Variants in FLG2 observed in about 807,000 individuals in gnomAD.
FLG2 encodes filaggrin 2.
In FLG2, 7 loss-of-function variants were observed where a neutral mutation model predicts 3.9. The observed-to-expected ratio is 1.79, with a 90% CI of 1.02 to 3.36. The LOEUF (loss-of-function observed/expected upper bound fraction) is 3.36. Among genes scored for constraint, FLG2 ranks in the 30% most tolerant of loss-of-function variants. The pLI is 0.00. For missense variants in FLG2, 2,700 were observed against 2,809.4 expected, an observed-to-expected ratio of 0.96 and a Z score of 0.88; for synonymous variants, 1,031 against 1,056.1, an observed-to-expected ratio of 0.98 and a Z score of 0.46.
Position 152,352,167 on chromosome 1 carries a change from A to G in FLG2, c.5619T>C (p.Thr1873=), listed in dbSNP as rs1310190034. ...CACTGTGGCCAGATCTCCTTCTTCCAGTTGTACTGGATCCTGACTGTGTGG... is the reference window on the plus strand; with the variant it reads ...CACTGTGGCCAGATCTCCTTCTTCCGGTTGTACTGGATCCTGACTGTGTGG... ...GQSTQSGSST[T]GRRRSGHSES... Residue 1873 remains threonine, a synonymous_variant, in exon 3 of 3, where the codon ACT becomes ACC. Transcript: ENST00000388718. 1.3e-5 allele frequency: 21 copies of G among 1,613,236 alleles called. No homozygotes were observed. Among genetic ancestry groups the G allele is most frequent in the Non-Finnish European group, 1.6e-5 (19 of 1,179,838 alleles).
At position 152,354,702 on chromosome 1, in the gene FLG2, G is replaced by C; in HGVS notation, c.3084C>G (p.His1028Gln). The C allele has an allele frequency of 6.2e-7, 1 of 1,613,594 alleles. No homozygotes were observed. The highest frequency in any genetic ancestry group is 8.5e-7 in the Non-Finnish European group (1 of 1,179,942). Reference sequence around the variant, plus strand: ...CTGAGTATTGGCCTGAGCTTGACCTGTGTTGTCCAAAGCCAGTTGTCTGTC... The same window carrying C: ...CTGAGTATTGGCCTGAGCTTGACCTCTGTTGTCCAAAGCCAGTTGTCTGTC... ...SSGQTTGFGQ[H>Q]RSSSGQYSGF... The change falls in exon 3 of 3, where the codon CAC becomes CAG. Residue 1028 changes from histidine (H) to glutamine (Q), a missense_variant. Physicochemically the swap from His to Gln is conservative, Grantham distance 24. Transcript: ENST00000388718.
intron 1 of FLG2, 137 bp from the exon 2 acceptor site, chr1:152,359,043 GA>G: frequency 2.8e-6 from 2 of 726,334 alleles, no homozygotes; most frequent in Non-Finnish European, 4.4e-6. Context: ...GGCCAGGGAT[GA>G]TACAACCCCG....
At position 152,356,131 on chromosome 1, in the gene FLG2, T is replaced by A. The variant is rs1654219800; in HGVS notation, c.1655A>T (p.Gln552Leu). 2 of 1,613,820 alleles carry A rather than the reference T, an allele frequency of 1.2e-6. No individual in the cohort carries two copies. The highest frequency in any genetic ancestry group is 2.7e-5 in the African/African-American group (2 of 74,842). ...SYGQHGSGSS[Q>L]SSGYGQYGSR... ...CCCATATTGGCCATAGCCAGATGAT[T>A]GACTTGAGCCAGAACCATGTTGGCC... The change falls in exon 3 of 3, where the codon CAA becomes CTA. Residue 552 changes from glutamine to leucine, a missense_variant. Gln to Leu is a moderately radical substitution (Grantham distance 113). Coordinates refer to ENST00000388718, the MANE Select transcript of FLG2 (RefSeq NM_001014342.3).
At position 152,356,794 on chromosome 1, in the gene FLG2, G is replaced by A. The variant is rs1343765274; in HGVS notation, c.992C>T (p.Ser331Leu). Residue 331 changes from serine to leucine, a missense_variant, in exon 3 of 3, where the codon TCA becomes TTA. Ser to Leu is a moderately radical substitution (Grantham distance 145). Transcript: ENST00000388718. The part of the protein sequence containing the change: ...IKGGQGHGCV[S>L]GGQPSGCGQP... Reference sequence around the variant, plus strand: ...ACCACATCCAGAGGGCTGACCTCCTGAGACACAGCCATGGCCTTGTCCTCC... The same window carrying A: ...ACCACATCCAGAGGGCTGACCTCCTAAGACACAGCCATGGCCTTGTCCTCC... 5 of 1,614,090 alleles carry A rather than the reference G, an allele frequency of 3.1e-6. No homozygotes were observed. The highest frequency in any genetic ancestry group is 1.3e-5 in the African/African-American group (1 of 74,908).
chr1:152,358,668 A>G lies in FLG2; in HGVS notation c.138+79T>C, dbSNP rs1434027772. 4.2e-5 allele frequency: 61 copies of G among 1,440,432 alleles called. 1 individual carries two copies. The South Asian group carries it at 4.8e-4, about 11-fold the overall frequency. The allele number at this position is 1,440,432 out of a possible 1,614,324, so 89.2% of individuals were successfully genotyped here. On this transcript the variant is annotated intron_variant, in intron 2 of 2. Transcript: ENST00000388718. The stretch of plus-strand genomic sequence containing the variant: ...TGCTTAGAGTTCACTGGGGCTGTGC[A>G]CTTTTTAGCTGATCTGGGTCATACA...
intron 2 of FLG2, among the ~76,000 whole-genome samples, chr1:152,358,391 CAACTCCCT>C (rs1248934855): frequency 1.3e-5 from 2 of 152,048 alleles, no homozygotes; most frequent in Non-Finnish European, 2.9e-5. Context: ...GCTATTTTGT[CAACTCCCT>C]ATGTAGATGA....
chr1:152,350,294 T>C lies in FLG2; in HGVS notation c.*316A>G. On this transcript the variant is annotated 3_prime_UTR_variant, in exon 3 of 3. Transcript: ENST00000388718. Reference sequence around the variant, plus strand: ...TGGGATTCCTGTTTTCTGATTGAACTAGATTTTGAATGGCCATGAACTGAT... The same window carrying C: ...TGGGATTCCTGTTTTCTGATTGAACCAGATTTTGAATGGCCATGAACTGAT... The C allele has an allele frequency of 3.1e-6, 1 of 326,070 alleles. No homozygotes were observed. The highest frequency in any genetic ancestry group is 5.6e-6 in the Non-Finnish European group (1 of 179,130). The allele number at this position is 326,070 out of a possible 1,614,324, so 20.2% of individuals were successfully genotyped here.
rs757083866 is a variant in FLG2 at position 152,353,098 on chromosome 1, T to C, written c.4688A>G (p.Gln1563Arg). Residue 1563 changes from glutamine to arginine, a missense_variant, in exon 3 of 3, where the codon CAG becomes CGG. Coordinates refer to ENST00000388718, the MANE Select transcript of FLG2 (RefSeq NM_001014342.3). ...TCTTCCAGTTGTCCTGGACCCTGTC[T>C]GTGTGGTTTGTTCATGACCAGAGTA... ...HSYSGHEQTT[Q>R]TGSRTTGRQR... 2 of 1,613,602 alleles carry C rather than the reference T, an allele frequency of 1.2e-6. No homozygotes were observed. Among genetic ancestry groups the C allele is most frequent in the Non-Finnish European group, 1.7e-6 (2 of 1,179,918 alleles).
Position 152,351,787 on chromosome 1 carries a change from T to G in FLG2, c.5999A>C (p.Gln2000Pro), listed in dbSNP as rs766645216. 10 of 1,613,040 alleles carry G rather than the reference T, an allele frequency of 6.2e-6. No individual in the cohort carries two copies. The highest frequency in any genetic ancestry group is 7.6e-6 in the Non-Finnish European group (9 of 1,179,924). Residue 2000 changes from glutamine to proline, a missense_variant, in exon 3 of 3, where the codon CAA becomes CCA. Gln to Pro is a moderately conservative substitution (Grantham distance 76). Transcript: ENST00000388718. ...VHERHGTTHG[Q>P]TADTTRHGHS... Reference sequence around the variant, plus strand: ...GCCATGTCTAGTGGTATCTGCTGTTTGTCCATGAGTAGTTCCGTGTCTCTC... The same window carrying G: ...GCCATGTCTAGTGGTATCTGCTGTTGGTCCATGAGTAGTTCCGTGTCTCTC...
Position 152,352,945 on chromosome 1 carries a change from T to A in FLG2, c.4841A>T (p.His1614Leu). Residue 1614 changes from histidine to leucine, a missense_variant, in exon 3 of 3, where the codon CAT becomes CTT. Coordinates refer to ENST00000388718, the MANE Select transcript of FLG2 (RefSeq NM_001014342.3). The stretch of plus-strand genomic sequence containing the variant: ...TCCATGAGTAGTTCCGTGTCTCTCA[T>A]GAACTGTGAATTCTGGCTCTTCATG... Reference protein sequence around the residue: ...SQHEEPEFTVHERHGTTHGQI... With the variant: ...SQHEEPEFTVLERHGTTHGQI... 1 of 1,613,740 alleles carries A rather than the reference T, an allele frequency of 6.2e-7. No homozygotes were observed. The highest frequency in any genetic ancestry group is 1.1e-5 in the South Asian group (1 of 91,056).
chr1:152,357,571 G>A lies in FLG2; in HGVS notation c.215C>T (p.Thr72Ile), dbSNP rs779859390. 4.3e-6 allele frequency: 7 copies of A among 1,613,978 alleles called. No individual in the cohort carries two copies. The highest frequency in any genetic ancestry group is 3.4e-6 in the Non-Finnish European group (4 of 1,180,014). Reference protein sequence around the residue: ...DRDHDRRLDFTEFLLMIFKLT... With the variant: ...DRDHDRRLDFIEFLLMIFKLT... ...CTTGAATATCATCAAAAGAAACTCA[G>A]TAAAGTCCAATCTTCTGTCATGATC... The change falls in exon 3 of 3, where the codon ACT (threonine) becomes ATT (isoleucine). Residue 72 changes from threonine to isoleucine, a missense_variant. By Grantham distance (89) the Thr-to-Ile change is moderately conservative. Transcript: ENST00000388718.
rs1653872280 is a variant in FLG2, at chr1:152,350,704, T to A, written c.7082A>T (p.Tyr2361Phe). 1.2e-6 allele frequency: 2 copies of A among 1,614,094 alleles called. No individual in the cohort carries two copies. Among genetic ancestry groups the A allele is most frequent in the Non-Finnish European group, 1.7e-6 (2 of 1,180,046 alleles). Residue 2361 changes from tyrosine to phenylalanine, a missense_variant, in exon 3 of 3, where the codon TAT becomes TTT. Transcript: ENST00000388718. ...TTTTCTGCTGCCACCAGAAGGCCCATACCCAGTGTGCCCATAGTCATATTC... is the reference window on the plus strand; with the variant it reads ...TTTTCTGCTGCCACCAGAAGGCCCAAACCCAGTGTGCCCATAGTCATATTC... ...PAEYDYGHTG[Y>F]GPSGGSRKSI...
Position 152,356,525 on chromosome 1 carries a change from A to G in FLG2, c.1261T>C (p.Ser421Pro). Residue 421 changes from serine (S) to proline (P), a missense_variant, in exon 3 of 3, where the codon TCT becomes CCT. By Grantham distance (74) the Ser-to-Pro change is moderately conservative. Transcript: ENST00000388718. ...AAGCTAGTAGACTGACTTGAACCAG[A>G]CCCATATTGATCACATTTGGAAAAT... ...NEFSKCDQYG[S>P]GSSQSTSFEQ... 1 of 1,614,232 alleles carries G rather than the reference A, an allele frequency of 6.2e-7. No homozygotes were observed. Among genetic ancestry groups the G allele is most frequent in the Non-Finnish European group, 8.5e-7 (1 of 1,180,040 alleles).
chr1:152,358,782 C>T lies in FLG2; in HGVS notation c.103G>A (p.Glu35Lys). The T allele has an allele frequency of 6.2e-7, 1 of 1,613,760 alleles. No homozygotes were observed. The part of the protein sequence containing the change: ...CGTLSKGELK[E>K]LLEKELHPVL... ...GGATGAAGCTCTTTCTCCAGAAGTT[C>T]CTTTAGTTCACCCTTGCTCAGTGTG... is the stretch of plus-strand genomic sequence containing the variant. The change falls in exon 2 of 3, where the codon GAA (glutamate) becomes AAA (lysine). Residue 35 changes from glutamate (E) to lysine (K), a missense_variant. Coordinates refer to ENST00000388718, the MANE Select transcript of FLG2 (RefSeq NM_001014342.3).
At position 152,353,377 on chromosome 1, in the gene FLG2, C is replaced by T; in HGVS notation, c.4409G>A (p.Gly1470Glu). ...TVHGRHGTTH[G>E]QTGDTTRHAH... ...ATGTCTAGTGGTATCTCCTGTCTGT[C>T]CATGAGTAGTTCCGTGTCTCCCATG... Residue 1470 changes from glycine to glutamate, a missense_variant, in exon 3 of 3, where the codon GGA becomes GAA. Transcript: ENST00000388718. 6.2e-7 allele frequency: 1 copy of T among 1,613,342 alleles called. No individual in the cohort carries two copies. The highest frequency in any genetic ancestry group is 8.5e-7 in the Non-Finnish European group (1 of 1,179,868).
Position 152,353,005 on chromosome 1 carries a change from G to A in FLG2, c.4781C>T (p.Ser1594Leu), listed in dbSNP as rs774405765. The A allele has an allele frequency of 1.2e-6, 2 of 1,609,984 alleles. No individual in the cohort carries two copies. Among genetic ancestry groups the A allele is most frequent in the Non-Finnish European group, 1.7e-6 (2 of 1,179,166 alleles). Residue 1594 changes from serine (S) to leucine (L), a missense_variant, in exon 3 of 3, where the codon TCA (serine) becomes TTA (leucine). Coordinates refer to ENST00000388718, the MANE Select transcript of FLG2 (RefSeq NM_001014342.3). ...GGCTTGGCCGTAAGTGTGTTCTCGT[G>A]AGTGTGGTCTGTGTGAGCCCCCTGA... ...VHSGGSHRPH[S>L]REHTYGQAGS...
At position 152,350,647 on chromosome 1, in the gene FLG2, G is replaced by T; in HGVS notation, c.7139C>A (p.Thr2380Lys). 6.2e-7 allele frequency: 1 copy of T among 1,614,156 alleles called. No homozygotes were observed. Among genetic ancestry groups the T allele is most frequent in the Non-Finnish European group, 8.5e-7 (1 of 1,180,010 alleles). ...CAGTTGCTTGTTTGCAGTGCTGTCTGTTGACCATGAAAGGTGAGAATTACT... is the reference window on the plus strand; with the variant it reads ...CAGTTGCTTGTTTGCAGTGCTGTCTTTTGACCATGAAAGGTGAGAATTACT... ...SISNSHLSWSTDSTANKQLSR... is the reference protein window; with the variant it reads ...SISNSHLSWSKDSTANKQLSR... Residue 2380 changes from threonine (T) to lysine (K), a missense_variant, in exon 3 of 3, where the codon ACA becomes AAA. Thr to Lys is a moderately conservative substitution (Grantham distance 78). Transcript: ENST00000388718.
chr1:152,352,065 T>C lies in FLG2; in HGVS notation c.5721A>G (p.Gln1907=). 1 of 1,612,838 alleles carries C rather than the reference T, an allele frequency of 6.2e-7. No homozygotes were observed. Among genetic ancestry groups the C allele is most frequent in the South Asian group, 1.1e-5 (1 of 91,022 alleles). ...SGHTHSQARS[Q]HGESESTVHK... ...GAACTGTGGATTCTGACTCTCCATGTTGAGACCTGGCTTGGCTGTGTGTGT... is the reference window on the plus strand; with the variant it reads ...GAACTGTGGATTCTGACTCTCCATGCTGAGACCTGGCTTGGCTGTGTGTGT... Residue 1907 remains glutamine (Q), a synonymous_variant, in exon 3 of 3, where the codon CAA becomes CAG. Coordinates refer to ENST00000388718, the MANE Select transcript of FLG2 (RefSeq NM_001014342.3).
Position 152,356,568 on chromosome 1 carries a change from G to C in FLG2, c.1218C>G (p.Asn406Lys), listed in dbSNP as rs780692988. Residue 406 changes from asparagine to lysine, a missense_variant, in exon 3 of 3, where the codon AAC becomes AAG. Coordinates refer to ENST00000388718, the MANE Select transcript of FLG2 (RefSeq NM_001014342.3). Reference sequence around the variant, plus strand: ...TGGAAAATTCATTTGAACTAGAAGAGTTTGAAAAGCGGCCACAGGAACCAT... The same window carrying C: ...TGGAAAATTCATTTGAACTAGAAGACTTTGAAAAGCGGCCACAGGAACCAT... ...HEYGSCGRFS[N>K]SSSSNEFSKC... 1 of 1,614,178 alleles carries C rather than the reference G, an allele frequency of 6.2e-7. No homozygotes were observed. Among genetic ancestry groups the C allele is most frequent in the Non-Finnish European group, 8.5e-7 (1 of 1,180,032 alleles).
Sources: gnomAD v4.1 joint callset for allele counts (sites outside exome capture counted in the v4.1 genomes callset) on GRCh38, gnomAD v4.1.1 for gene constraint, MANE v1.5 for transcripts, NCBI Gene and HGNC (gene_info 2026-07-23, HGNC 2026-07-21) for gene names.